ICA1: variants seen among roughly 807,000 people sequenced by gnomAD.
ICA1 encodes the protein 69 kDa islet cell autoantigen.
Under a neutral mutation model 71.0 loss-of-function variants are expected in ICA1, and 40 were observed. The observed-to-expected ratio is 0.56, with a 90% CI of 0.44 to 0.73. The LOEUF (loss-of-function observed/expected upper bound fraction) is 0.73. Among genes scored for constraint, ICA1 ranks in the 30% least tolerant of loss-of-function variants. The probability of loss-of-function intolerance (pLI) is 0.00; values close to 1 mark genes in which losing one functional copy is unlikely to be tolerated. For missense variants in ICA1, 578 were observed against 576.5 expected (o/e 1.00, Z -0.03); for synonymous variants, 207 against 209.5 (o/e 0.99, Z 0.10).
chr7:8,118,355 A>G (rs1233394457), intron 13 of ICA1, among the ~76,000 whole-genome samples: 1 of 152,260 alleles, frequency 6.6e-6, no homozygotes, highest in Non-Finnish European at 1.5e-5. Flanking sequence ...ACAAACAATC[A>G]AAAGTACTAG....
intron 6 of ICA1, among the ~76,000 whole-genome samples, chr7:8,159,293 T>C (rs1288007107): frequency 6.6e-6 from 1 of 152,202 alleles, no homozygotes; most frequent in Admixed American, 6.5e-5. Context: ...CCTCCATCGA[T>C]CCTTAAACCA....
intron 6 of ICA1, among the ~76,000 whole-genome samples, chr7:8,210,914 A>G (rs1793553735): frequency 6.7e-6 from 1 of 150,118 alleles, no homozygotes. Flanking sequence ...GGATCCCAGG[A>G]GCTCCAGCGA....
At chr7:8,151,832 C>T (rs1366078871) in intron 8 of ICA1, among the ~76,000 whole-genome samples, 7 of 151,818 alleles carry the variant, frequency 4.6e-5, no homozygotes, top group South Asian at 2.1e-4. Flanking sequence ...TCTAGAATGA[C>T]GTTCCATCTA....
intron 8 of ICA1, among the ~76,000 whole-genome samples, chr7:8,146,475 G>A (rs939319551): frequency 9.9e-5 from 15 of 152,102 alleles, no homozygotes; most frequent in African/African-American, 1.4e-4. Context: ...GAACATTCCC[G>A]TACCCATATT....
intron 6 of ICA1, among the ~76,000 whole-genome samples, chr7:8,163,861 T>A (rs1204627239): frequency 6.6e-6 from 1 of 152,166 alleles, no homozygotes; most frequent in South Asian, 2.1e-4. Context: ...GAGCAGCACC[T>A]TGTTGGCGTG....
chr7:8,202,350 T>C (rs1304403200), intron 6 of ICA1, among the ~76,000 whole-genome samples: 1 of 152,236 alleles, frequency 6.6e-6, no homozygotes. Context: ...AATCCTCATC[T>C]GTGAAAAGGA....
rs1229909446 is a variant in ICA1 at position 8,162,303 on chromosome 7, GC to G, written c.580-3652del. 8.5e-5 allele frequency among the ~76,000 whole-genome samples: 13 copies of G among 152,262 alleles called. 1 individual carries two copies. In the East Asian group the frequency reaches 2.5e-3, roughly 29 times the overall value. The stretch of plus-strand genomic sequence containing the variant: ...ACACTTGACCCAATGATTCTGAAAG[GC>G]CATATGCTTTGTATGTCAACAATGA... On this transcript the variant is annotated intron_variant, in intron 6 of 13. Coordinates refer to ENST00000402384, the MANE Select transcript of ICA1 (RefSeq NM_001136020.3).
chr7:8,214,820 T>C (rs1450857301), intron 6 of ICA1, among the ~76,000 whole-genome samples: 1 of 152,196 alleles, frequency 6.6e-6, no homozygotes, highest in African/African-American at 2.4e-5. Context: ...TTCTTGGCAA[T>C]CTGAAGACAC....
At chr7:8,154,960 A>G (rs1218789115) in intron 8 of ICA1, among the ~76,000 whole-genome samples, 3 of 152,194 alleles carry the variant, frequency 2.0e-5, no homozygotes, top group Non-Finnish European at 2.9e-5. Context: ...TGCAAAAGTA[A>G]TTGTGGTTTT....
At chr7:8,162,578 A>C (rs1329529358) in intron 6 of ICA1, among the ~76,000 whole-genome samples, 1 of 152,170 alleles carries the variant, frequency 6.6e-6, no homozygotes, top group Admixed American at 6.5e-5. Context: ...TAAGTGACAA[A>C]CGTCTTGATT....
chr7:8,177,870 A>C (rs1781078397), intron 6 of ICA1, among the ~76,000 whole-genome samples: 2 of 152,200 alleles, frequency 1.3e-5, no homozygotes, highest in Admixed American at 1.3e-4. Context: ...TTATGGATCC[A>C]TTATGCTGTC....
At chr7:8,154,843 T>G (rs1358843671) in intron 8 of ICA1, among the ~76,000 whole-genome samples, 1 of 152,214 alleles carries the variant, frequency 6.6e-6, no homozygotes, top group Non-Finnish European at 1.5e-5. Context: ...TTTTGTGGCA[T>G]ACAAAACAAT....
At chr7:8,250,014 G>A (rs1200462685) in intron 1 of ICA1, among the ~76,000 whole-genome samples, 5 of 152,188 alleles carry the variant, frequency 3.3e-5, no homozygotes, top group African/African-American at 9.7e-5. Context: ...CACGGCCTGA[G>A]AGCACAAAGC....
intron 10 of ICA1, among the ~76,000 whole-genome samples, chr7:8,140,933 G>A (rs1795019874): frequency 1.3e-5 from 2 of 152,188 alleles, no homozygotes; most frequent in African/African-American, 2.4e-5. Flanking sequence ...TTCCAGGAAG[G>A]TACCACACCA....
chr7:8,128,378 A>G (rs1584293077), intron 12 of ICA1, among the ~76,000 whole-genome samples: 1 of 152,362 alleles, frequency 6.6e-6, no homozygotes, highest in South Asian at 2.1e-4. Flanking sequence ...TCTGGGCATC[A>G]GACTCTAGGA....
chr7:8,150,311 T>C (rs1160060915), intron 8 of ICA1, among the ~76,000 whole-genome samples: 1 of 152,216 alleles, frequency 6.6e-6, no homozygotes, highest in Non-Finnish European at 1.5e-5. Context: ...TTCTACACAG[T>C]ACCAAGCTCA....
Position 8,114,014 on chromosome 7 carries a change from G to A in ICA1, c.1361C>T (p.Ala454Val). 1 of 1,614,158 alleles carries A rather than the reference G, an allele frequency of 6.2e-7. No individual in the cohort carries two copies. The highest frequency in any genetic ancestry group is 8.5e-7 in the Non-Finnish European group (1 of 1,180,006). The part of the protein sequence containing the change: ...EPAKAASDLT[A>V]WFSLFADLDP... ...GAGGTCAGCGAAGAGGCTGAACCAGGCAGTCAGGTCTGAGGCAGCCTTAGC... is the reference window on the plus strand; with the variant it reads ...GAGGTCAGCGAAGAGGCTGAACCAGACAGTCAGGTCTGAGGCAGCCTTAGC... Residue 454 changes from alanine (A) to valine (V), a missense_variant, in exon 14 of 14, where the codon GCC becomes GTC. Coordinates refer to ENST00000402384, the MANE Select transcript of ICA1 (RefSeq NM_001136020.3).
chr7:8,260,508 C>G (rs1190153892), intron 1 of ICA1, among the ~76,000 whole-genome samples: 3 of 152,136 alleles, frequency 2.0e-5, no homozygotes, highest in Non-Finnish European at 4.4e-5. Context: ...ACAAATAGCC[C>G]GCTGTAGCTT....
intron 4 of ICA1, among the ~76,000 whole-genome samples, chr7:8,224,937 A>G (rs1182969347): frequency 1.3e-5 from 2 of 152,322 alleles, no homozygotes; most frequent in East Asian, 3.9e-4. Flanking sequence ...TGTCTTTCTT[A>G]GTGCACAGCA....
Sources: allele counts gnomAD v4.1 joint callset (sites outside exome capture counted in the v4.1 genomes callset), GRCh38; gene constraint gnomAD v4.1.1; transcripts MANE v1.5; gene names NCBI Gene and HGNC (gene_info 2026-07-23, HGNC 2026-07-21).